The following SOX6 variants were observed in gnomAD, a reference collection of about 807,000 sequenced individuals.
SOX6 encodes the protein SRY-box transcription factor 6.
A neutral mutation model predicts 97.8 loss-of-function variants in SOX6; 11 were observed. The ratio of observed to expected loss-of-function variants is 0.11; its 90% CI spans 0.07 to 0.19. SOX6 has a LOEUF of 0.19. Ranked by LOEUF, SOX6 falls within the 10% of genes least tolerant of loss-of-function variation. The pLI is 1.00. For synonymous variants in SOX6, 360 were observed against 371.4 expected, an observed-to-expected ratio of 0.97 and a Z score of 0.35; for missense variants, 810 against 1,039.5, an observed-to-expected ratio of 0.78 and a Z score of 3.04.
chr11:16,549,314 C>T (rs900889479), intron 4 of SOX6, among the ~76,000 whole-genome samples: 3 of 152,140 alleles, frequency 2.0e-5, no homozygotes, highest in Admixed American at 6.5e-5. Flanking sequence ...GTATTACAGG[C>T]ATGCGCCACC....
chr11:16,322,075 A>G (rs1351083436), intron 2 of SOX6, among the ~76,000 whole-genome samples: 1 of 152,138 alleles, frequency 6.6e-6, no homozygotes, highest in Non-Finnish European at 1.5e-5. Context: ...TTTAAAGTAA[A>G]TTTTATTAAG....
intron 3 of SOX6, among the ~76,000 whole-genome samples, chr11:16,640,176 T>C (rs1442342488): frequency 1.3e-5 from 2 of 152,208 alleles, no homozygotes; most frequent in Non-Finnish European, 1.5e-5. Context: ...ATCATGTGGT[T>C]TTTGTCTTTG....
chr11:16,556,194 T>C (rs1462232912), intron 4 of SOX6, among the ~76,000 whole-genome samples: 2 of 151,656 alleles, frequency 1.3e-5, no homozygotes, highest in African/African-American at 4.8e-5. Flanking sequence ...GTCATAATTA[T>C]TAGAAATTCA....
intron 3 of SOX6, among the ~76,000 whole-genome samples, chr11:16,249,428 C>T (rs866652182): frequency 2.3e-4 from 35 of 152,288 alleles, no homozygotes; most frequent in African/African-American, 8.2e-4. Flanking sequence ...TCTGAGCCCA[C>T]TTCAGCCTGG....
chr11:16,403,380 T>C (rs1335241364), intron 1 of SOX6, among the ~76,000 whole-genome samples: 1 of 151,748 alleles, frequency 6.6e-6, no homozygotes, highest in African/African-American at 2.4e-5. Flanking sequence ...CCATGATGAT[T>C]GGTCTGTGCG....
intron 3 of SOX6, among the ~76,000 whole-genome samples, chr11:16,684,631 AAT>A (rs2134032070): frequency 6.6e-6 from 1 of 152,194 alleles, no homozygotes; most frequent in East Asian, 1.9e-4. Context: ...TCCTAATGTA[AAT>A]GACAAGTTGA....
intron 4 of SOX6, among the ~76,000 whole-genome samples, chr11:16,229,267 C>A (rs1448782112): frequency 6.6e-6 from 1 of 151,946 alleles, no homozygotes; most frequent in African/African-American, 2.4e-5. Context: ...AAAGCACAAA[C>A]TTATGGGATG....
intron 4 of SOX6, among the ~76,000 whole-genome samples, chr11:16,214,394 C>A (rs1023440271): frequency 1.3e-5 from 2 of 152,140 alleles, no homozygotes; most frequent in Non-Finnish European, 2.9e-5. Flanking sequence ...TACTTACTAC[C>A]TAGTCCTTCT....
At position 15,969,038 on chromosome 11, in the gene SOX6, C is replaced by G. The variant is rs1853224033; in HGVS notation, c.*3771G>C. ...CCCTTCCTACTTTTTTCCTTTCTTCCTTCTTTTCTCCTTTTCCTTCCATTC... is the reference window on the plus strand; with the variant it reads ...CCCTTCCTACTTTTTTCCTTTCTTCGTTCTTTTCTCCTTTTCCTTCCATTC... On this transcript the variant is annotated 3_prime_UTR_variant, in exon 16 of 16. Coordinates refer to ENST00000683767, the MANE Select transcript of SOX6 (RefSeq NM_001367873.1). 1 of 149,968 alleles carries G rather than the reference C, an allele frequency of 6.7e-6. No homozygotes were observed. Among genetic ancestry groups the G allele is most frequent in the African/African-American group, 2.5e-5 (1 of 40,694 alleles). The allele number at this position is 149,968 out of a possible 1,614,324, so 9.3% of individuals were successfully genotyped here.
chr11:16,061,564 A>C (rs559445640), intron 9 of SOX6, among the ~76,000 whole-genome samples: 1 of 151,902 alleles, frequency 6.6e-6, no homozygotes, highest in African/African-American at 2.4e-5. Context: ...ATATGCAACC[A>C]AAAAAGAGCC....
chr11:16,333,682 C>A (rs1429185046), intron 2 of SOX6, among the ~76,000 whole-genome samples: 1 of 152,044 alleles, frequency 6.6e-6, no homozygotes, highest in African/African-American at 2.4e-5. Flanking sequence ...CTCAATCAGA[C>A]TCACTAGACT....
At chr11:16,195,971 G>C (rs1161320421) in intron 4 of SOX6, among the ~76,000 whole-genome samples, 1 of 152,146 alleles carries the variant, frequency 6.6e-6, no homozygotes, top group African/African-American at 2.4e-5. Flanking sequence ...AAACCTCCCA[G>C]ATACAACTAA....
At chr11:16,614,936 CAATA>C (rs1848452364) in intron 3 of SOX6, among the ~76,000 whole-genome samples, 1 of 152,088 alleles carries the variant, frequency 6.6e-6, no homozygotes, top group African/African-American at 2.4e-5. Flanking sequence ...TTTTGGTCAA[CAATA>C]AATAAATAAT....
At chr11:16,144,030 C>T (rs1320915420) in intron 6 of SOX6, among the ~76,000 whole-genome samples, 7 of 152,164 alleles carry the variant, frequency 4.6e-5, no homozygotes, top group Admixed American at 4.6e-4. Flanking sequence ...ACTCTCCACC[C>T]CAAATCAACA....
At chr11:15,984,704 A>G (rs1014715434) in intron 15 of SOX6, among the ~76,000 whole-genome samples, 1 of 152,196 alleles carries the variant, frequency 6.6e-6, no homozygotes, top group African/African-American at 2.4e-5. Flanking sequence ...ATTTATTAAC[A>G]TACTGGGATC....
rs370110422 is a variant in SOX6, at chr11:16,127,045, A to T, written c.778-15122T>A. Among the ~76,000 whole-genome samples, 12 of 152,216 alleles carry T rather than the reference A, an allele frequency of 7.9e-5. No homozygotes were observed. The East Asian group carries it at 2.3e-3, about 29-fold the overall frequency. On this transcript the variant is annotated intron_variant, in intron 6 of 15. Coordinates refer to ENST00000683767, the MANE Select transcript of SOX6 (RefSeq NM_001367873.1). ...AATGATAAATTCTGATGACAATCCA[A>T]CCTCTTTCAATATTTATTGCAAATT...
chr11:16,653,027 C>T (rs1409474717), intron 3 of SOX6, among the ~76,000 whole-genome samples: 1 of 152,134 alleles, frequency 6.6e-6, no homozygotes, highest in African/African-American at 2.4e-5. Flanking sequence ...CTCAATATCA[C>T]TAATTATCAG....
chr11:16,397,430 G>A (rs1858393545), intron 1 of SOX6: 1 of 151,894 alleles, frequency 6.6e-6, no homozygotes, highest in Admixed American at 6.6e-5. Flanking sequence ...GGACAGAAAA[G>A]ATTAATTCCA....
chr11:16,334,749 A>T (rs1383410500), intron 2 of SOX6, among the ~76,000 whole-genome samples: 1 of 152,208 alleles, frequency 6.6e-6, no homozygotes, highest in East Asian at 1.9e-4. Flanking sequence ...TTTTTGATGA[A>T]GATTTTAATA....
Sources: allele counts gnomAD v4.1 joint callset (sites outside exome capture counted in the v4.1 genomes callset), GRCh38; gene constraint gnomAD v4.1.1; transcripts MANE v1.5; gene names NCBI Gene and HGNC (gene_info 2026-07-23, HGNC 2026-07-21).